The following FRAS1 variants were observed in gnomAD, a reference collection of about 807,000 sequenced individuals.
The protein encoded by FRAS1 is extracellular matrix organizing protein FRAS1.
A neutral mutation model predicts 435.2 loss-of-function variants in FRAS1; 290 were observed. That is an observed-to-expected ratio of 0.67 (90% CI 0.61 to 0.73). The LOEUF is 0.73. Among genes scored for constraint, FRAS1 ranks in the 30% least tolerant of loss-of-function variants. The probability of loss-of-function intolerance (pLI) is 0.00; values close to 1 mark genes in which losing one functional copy is unlikely to be tolerated. For synonymous variants in FRAS1, 1,800 were observed against 1,851.0 expected (o/e 0.97, Z 0.71); for missense variants, 4,860 against 5,001.5 (o/e 0.97, Z 0.85).
rs1722119366 is a variant in FRAS1, at chr4:78,543,504, AG to A, written c.*2382del. The A allele has an allele frequency of 6.6e-6, 1 of 152,262 alleles. No individual in the cohort carries two copies. Among genetic ancestry groups the A allele is most frequent in the African/African-American group, 2.4e-5 (1 of 41,464 alleles). The allele number at this position is 152,262 out of a possible 1,614,324, so 9.4% of individuals were successfully genotyped here. ...GTGCTCCCAGCAACCGCCACGTACAAGGTCTGAAATGACAAGGGCAAGAGTG... is the reference window on the plus strand; with the variant it reads ...GTGCTCCCAGCAACCGCCACGTACAAGTCTGAAATGACAAGGGCAAGAGTG... On this transcript the variant is annotated 3_prime_UTR_variant, in exon 74 of 74. Transcript: ENST00000512123.
intron 2 of FRAS1, among the ~76,000 whole-genome samples, chr4:78,098,241 C>T (rs1741917529): frequency 6.6e-6 from 1 of 151,716 alleles, no homozygotes; most frequent in African/African-American, 2.4e-5. Flanking sequence ...CACTGTGACC[C>T]TCCTCTTTAA....
chr4:78,237,707 T>G, intron 3 of FRAS1, 90 bp downstream of exon 3: 1 of 577,920 alleles, frequency 1.7e-6, no homozygotes, highest in Admixed American at 3.5e-5. Flanking sequence ...TTTTTGACAT[T>G]TATTCTAATC....
chr4:78,193,008 T>G (rs1421825114), intron 2 of FRAS1, among the ~76,000 whole-genome samples: 1 of 152,230 alleles, frequency 6.6e-6, no homozygotes, highest in Non-Finnish European at 1.5e-5. Context: ...ACATCTTTAT[T>G]TCTGCCTTCA....
chr4:78,493,787 C>A (rs1049489968), intron 59 of FRAS1, among the ~76,000 whole-genome samples: 7 of 151,856 alleles, frequency 4.6e-5, no homozygotes, highest in African/African-American at 1.7e-4. Context: ...CACATGTATC[C>A]CAGAACTTAA....
intron 67 of FRAS1, among the ~76,000 whole-genome samples, chr4:78,519,839 A>G (rs1372211437): frequency 1.3e-5 from 2 of 152,196 alleles, no homozygotes; most frequent in African/African-American, 4.8e-5. Flanking sequence ...TTTACAGAGC[A>G]AAAGGATCTT....
intron 9 of FRAS1, among the ~76,000 whole-genome samples, chr4:78,275,619 C>T (rs766561547): frequency 3.9e-5 from 6 of 152,166 alleles, no homozygotes; most frequent in Admixed American, 3.9e-4. Context: ...GAATTCTTTT[C>T]TTTAAGAATG....
intron 2 of FRAS1, among the ~76,000 whole-genome samples, chr4:78,164,613 G>T (rs1721264955): frequency 1.3e-5 from 2 of 152,034 alleles, no homozygotes; most frequent in Admixed American, 1.3e-4. Context: ...CCTATGGAAA[G>T]AACCTAAAGT....
chr4:78,537,138 G>A lies in FRAS1; in HGVS notation c.11236G>A (p.Glu3746Lys), dbSNP rs767238519. 1 of 1,614,002 alleles carries A rather than the reference G, an allele frequency of 6.2e-7. No individual in the cohort carries two copies. Among genetic ancestry groups the A allele is most frequent in the East Asian group, 2.2e-5 (1 of 44,880 alleles). ...TGATCCCACGGGGACAATCTACAAT[G>A]AAGGGCCCCAGTATGGATGCATTCA... is the stretch of plus-strand genomic sequence containing the variant. The part of the protein sequence containing the change: ...FFDPTGTIYN[E>K]GPQYGCIQPN... The change falls in exon 72 of 74, where the codon GAA becomes AAA. Residue 3746 changes from glutamate (E) to lysine (K), a missense_variant. Glu to Lys is a moderately conservative substitution (Grantham distance 56). Coordinates refer to ENST00000512123, the MANE Select transcript of FRAS1 (RefSeq NM_025074.7).
At chr4:78,254,541 CA>C (rs1725697621) in intron 5 of FRAS1, among the ~76,000 whole-genome samples, 1 of 152,144 alleles carries the variant, frequency 6.6e-6, no homozygotes, top group Admixed American at 6.5e-5. Flanking sequence ...ATACTTGGAA[CA>C]ACAGAGTTGG....
In FRAS1 at chr4:78,292,936, T is replaced by C. The variant is rs142717644; in HGVS notation, c.1534+6397T>C. On this transcript the variant is annotated intron_variant, in intron 14 of 73. Transcript: ENST00000512123. ...GCATTCTACAGCAATTATGGTCCCT[T>C]ACTAAATTGCTGACTGTCTCATAAA... Among the ~76,000 whole-genome samples the C allele has an allele frequency of 4.0e-3, 607 of 152,332 alleles. 2 individuals are homozygous for C. The highest frequency in any genetic ancestry group is 6.5e-3 in the Non-Finnish European group (445 of 68,028).
In FRAS1 at chr4:78,478,819, T is replaced by C. The variant is rs572280036; in HGVS notation, c.8099-555T>C. Among the ~76,000 whole-genome samples, 477 of 152,310 alleles carry C rather than the reference T, an allele frequency of 3.1e-3. 2 individuals are homozygous for C. The highest frequency in any genetic ancestry group is 5.0e-3 in the Non-Finnish European group (339 of 68,022). Reference sequence around the variant, plus strand: ...CCACTTGGAAAACAAGCAAGCCTCATTGATTGCTCTGGGCCACCAAGCCAG... The same window carrying C: ...CCACTTGGAAAACAAGCAAGCCTCACTGATTGCTCTGGGCCACCAAGCCAG... On this transcript the variant is annotated intron_variant, in intron 55 of 73. Transcript: ENST00000512123.
At chr4:78,368,795 C>T (rs1731381026) in intron 22 of FRAS1, among the ~76,000 whole-genome samples, 2 of 152,210 alleles carry the variant, frequency 1.3e-5, no homozygotes, top group African/African-American at 4.8e-5. Flanking sequence ...GTTAAAGACT[C>T]GGAGATTATA....
chr4:78,070,120 G>A (rs1308989188), intron 2 of FRAS1, among the ~76,000 whole-genome samples: 1 of 152,114 alleles, frequency 6.6e-6, no homozygotes, highest in Non-Finnish European at 1.5e-5. Context: ...AACTGAGGCT[G>A]TCCTGCACTG....
At chr4:78,066,058 T>A in intron 2 of FRAS1, 42 bp downstream of exon 2, 1 of 1,439,154 alleles carries the variant, frequency 6.9e-7, no homozygotes, top group Non-Finnish European at 9.8e-7. Flanking sequence ...CATTTGAATG[T>A]AAAATGCTTG....
chr4:78,058,937 C>G (rs1172992739), intron 1 of FRAS1, among the ~76,000 whole-genome samples: 1 of 152,220 alleles, frequency 6.6e-6, no homozygotes, highest in East Asian at 1.9e-4. Flanking sequence ...CTCCGAGGAG[C>G]CAGGGAAGTC....
intron 59 of FRAS1, among the ~76,000 whole-genome samples, chr4:78,489,963 G>GAAAAAAAAAAAAAA (rs1553891063): frequency 1.6e-4 from 1 of 6,080 alleles, no homozygotes; most frequent in African/African-American, 2.6e-4. Context: ...AAAGCTAGTG[G>GAAAAAAAAAAAAAA]AAAACAAAAA....
intron 6 of FRAS1, among the ~76,000 whole-genome samples, chr4:78,263,653 G>A (rs1378239): frequency 0.61 from 92,673 of 152,074 alleles, 28,420 homozygotes; most frequent in Middle Eastern, 0.7. Flanking sequence ...AGCTTATTAA[G>A]CTGAAGAGAT....
At chr4:78,182,945 A>T (rs751735985) in intron 2 of FRAS1, among the ~76,000 whole-genome samples, 4 of 151,852 alleles carry the variant, frequency 2.6e-5, no homozygotes, top group Non-Finnish European at 1.5e-5. Context: ...TCTGGAGTTC[A>T]GCACAAAGAT....
At chr4:78,265,598 G>A (rs1407789383) in intron 7 of FRAS1, among the ~76,000 whole-genome samples, 2 of 152,072 alleles carry the variant, frequency 1.3e-5, no homozygotes, top group Non-Finnish European at 1.5e-5. Flanking sequence ...AAGTACTATT[G>A]GATAGCCTGG....
Sources: allele counts gnomAD v4.1 joint callset (sites outside exome capture counted in the v4.1 genomes callset), GRCh38; gene constraint gnomAD v4.1.1; transcripts MANE v1.5; gene names NCBI Gene and HGNC (gene_info 2026-07-23, HGNC 2026-07-21).